Variants in RSU1 observed in about 807,000 individuals in gnomAD.
RSU1 encodes the protein Ras suppressor protein 1.
In RSU1, 26 loss-of-function variants were observed where a neutral mutation model predicts 31.1. The ratio of observed to expected loss-of-function variants is 0.84; its 90% CI spans 0.61 to 1.16. The LOEUF (loss-of-function observed/expected upper bound fraction) is 1.16. RSU1 is among the 50% of genes most tolerant of loss of function. The probability of loss-of-function intolerance (pLI) is 0.00; values close to 1 mark genes in which losing one functional copy is unlikely to be tolerated. For missense variants in RSU1, 320 were observed against 339.1 expected (o/e 0.94, Z 0.44); for synonymous variants, 164 against 136.3 (o/e 1.20, Z -1.41).
chr10:16,718,596 G>C (rs138460843), intron 7 of RSU1, among the ~76,000 whole-genome samples: 3 of 151,562 alleles, frequency 2.0e-5, no homozygotes, highest in Non-Finnish European at 4.4e-5. Flanking sequence ...CACATCTTAG[G>C]AGAAACAAAA....
At chr10:16,806,116 T>C (rs936744851) in intron 2 of RSU1, among the ~76,000 whole-genome samples, 6 of 152,234 alleles carry the variant, frequency 3.9e-5, no homozygotes, top group African/African-American at 1.4e-4. Flanking sequence ...ATAGATTTTT[T>C]TAAAACTATG....
At chr10:16,620,306 T>C (rs1025570426) in intron 8 of RSU1, among the ~76,000 whole-genome samples, 1 of 152,082 alleles carries the variant, frequency 6.6e-6, no homozygotes, top group Non-Finnish European at 1.5e-5. Flanking sequence ...TGGATGATAG[T>C]GAAGTAATTT....
intron 6 of RSU1, 108 bp downstream of exon 6, chr10:16,752,810 G>A: frequency 9.2e-7 from 1 of 1,089,398 alleles, no homozygotes; most frequent in Non-Finnish European, 1.4e-6. Flanking sequence ...AGGAGTAGTG[G>A]TTTATTCCCA....
intron 7 of RSU1, among the ~76,000 whole-genome samples, chr10:16,697,805 G>A (rs77637088): frequency 0.013 from 2,012 of 152,186 alleles, 56 homozygotes; most frequent in African/African-American, 0.046. Flanking sequence ...TCTAGTTAGT[G>A]AGTATTTTCC....
At chr10:16,788,491 CAAG>C (rs1837843529) in intron 2 of RSU1, among the ~76,000 whole-genome samples, 2 of 152,180 alleles carry the variant, frequency 1.3e-5, no homozygotes. Context: ...GGTGAGGATA[CAAG>C]AAGGTGGCCT....
At chr10:16,613,759 A>G (rs2131470701) in intron 8 of RSU1, among the ~76,000 whole-genome samples, 1 of 152,200 alleles carries the variant, frequency 6.6e-6, no homozygotes, top group African/African-American at 2.4e-5. Context: ...ATCAGAGAAA[A>G]GCTGAGAAGA....
At chr10:16,764,993 GA>G (rs202144861) in intron 3 of RSU1, among the ~76,000 whole-genome samples, 6,225 of 151,486 alleles carry the variant, frequency 0.041, 398 homozygotes, top group African/African-American at 0.14. Context: ...AATGGGGGGG[GA>G]GAAACAGAGC....
intron 8 of RSU1, among the ~76,000 whole-genome samples, chr10:16,668,930 TACCAA>T (rs988011920): frequency 2.6e-5 from 4 of 152,166 alleles, no homozygotes; most frequent in African/African-American, 9.7e-5. Flanking sequence ...TGTTTAAGGT[TACCAA>T]ACTTCTCAGA....
intron 2 of RSU1, among the ~76,000 whole-genome samples, chr10:16,785,465 T>TAC (rs879409821): frequency 0.018 from 2,513 of 140,896 alleles, 135 homozygotes; most frequent in African/African-American, 0.051. Flanking sequence ...TATACATATA[T>TAC]ATATACACAT....
At chr10:16,706,238 C>G (rs897121223) in intron 7 of RSU1, among the ~76,000 whole-genome samples, 4 of 152,204 alleles carry the variant, frequency 2.6e-5, no homozygotes, top group African/African-American at 9.7e-5. Context: ...CAACAGTGCT[C>G]AAGGGTTCCC....
chr10:16,718,473 A>C (rs966451619), intron 7 of RSU1, among the ~76,000 whole-genome samples: 1 of 152,172 alleles, frequency 6.6e-6, no homozygotes, highest in Admixed American at 6.5e-5. Flanking sequence ...ACAAGGGCAA[A>C]AATTTTTGTT....
chr10:16,723,770 C>A (rs1021962460), intron 7 of RSU1, among the ~76,000 whole-genome samples: 8 of 152,008 alleles, frequency 5.3e-5, no homozygotes, highest in Non-Finnish European at 1.2e-4. Flanking sequence ...GGGCAGGACG[C>A]TGGGACAAAT....
rs533786038 is a variant in RSU1 at position 16,664,081 on chromosome 10, T to C, written c.731+30942A>G. Reference sequence around the variant, plus strand: ...TATGGTACCAACACTGACCTTTCCTTTATTGCAAATTTTATAGAACCTACT... The same window carrying C: ...TATGGTACCAACACTGACCTTTCCTCTATTGCAAATTTTATAGAACCTACT... On this transcript the variant is annotated intron_variant, in intron 8 of 8. Transcript: ENST00000345264. Among the ~76,000 whole-genome samples the C allele has an allele frequency of 1.2e-4, 18 of 152,302 alleles. No homozygotes were observed. In the South Asian group the frequency reaches 3.3e-3, roughly 28 times the overall value.
intron 7 of RSU1, chr10:16,726,951 C>T: frequency 4.8e-6 from 2 of 417,218 alleles, no homozygotes; most frequent in Non-Finnish European, 9.7e-6. Context: ...AACAAGATGA[C>T]AGATTCTGAT....
At chr10:16,688,060 C>T (rs1824721138) in intron 8 of RSU1, among the ~76,000 whole-genome samples, 1 of 152,094 alleles carries the variant, frequency 6.6e-6, no homozygotes, top group Non-Finnish European at 1.5e-5. Flanking sequence ...TACTTTTATT[C>T]AGTAGAATAA....
intron 8 of RSU1, among the ~76,000 whole-genome samples, chr10:16,679,823 T>TA (rs1835295055): frequency 6.7e-6 from 1 of 150,220 alleles, no homozygotes; most frequent in African/African-American, 2.5e-5. Flanking sequence ...AGGGCAAAGA[T>TA]ACGGTGATGG....
At chr10:16,698,728 T>A (rs957252103) in intron 7 of RSU1, among the ~76,000 whole-genome samples, 1 of 152,204 alleles carries the variant, frequency 6.6e-6, no homozygotes, top group African/African-American at 2.4e-5. Context: ...GGATGCAAGC[T>A]AGACATACTC....
At chr10:16,605,752 G>A (rs894508147) in intron 8 of RSU1, among the ~76,000 whole-genome samples, 14 of 152,124 alleles carry the variant, frequency 9.2e-5, no homozygotes, top group African/African-American at 2.4e-4. Context: ...GTGGAACTCC[G>A]GTTCCTCCAA....
chr10:16,672,268 C>A (rs911721845), intron 8 of RSU1, among the ~76,000 whole-genome samples: 2 of 152,004 alleles, frequency 1.3e-5, no homozygotes, highest in African/African-American at 4.8e-5. Flanking sequence ...TGAGATCACG[C>A]CACTGCACTC....
Sources: allele counts gnomAD v4.1 joint callset (sites outside exome capture counted in the v4.1 genomes callset), GRCh38; gene constraint gnomAD v4.1.1; transcripts MANE v1.5; gene names NCBI Gene and HGNC (gene_info 2026-07-23, HGNC 2026-07-21).